Variants in C1GALT1 observed in about 807,000 individuals in gnomAD.
C1GALT1 encodes the protein core 1 synthase, glycoprotein-N-acetylgalactosamine 3-beta-galactosyltransferase 1, also known as glycoprotein-N-acetylgalactosamine 3-beta-galactosyltransferase 1.
In C1GALT1, 11 loss-of-function variants were observed where a neutral mutation model predicts 31.0. That is an observed-to-expected ratio of 0.36 (90% CI 0.22 to 0.59). The LOEUF is 0.59. C1GALT1 is among the 20% of genes least tolerant of loss of function. The pLI is 0.79. For missense variants in C1GALT1, 424 were observed against 425.2 expected (o/e 1.00, Z 0.03); for synonymous variants, 175 against 143.6 (o/e 1.22, Z -1.56).
chr7:7,211,879 G>C (rs1782022945), intron 1 of C1GALT1, among the ~76,000 whole-genome samples: 1 of 152,312 alleles, frequency 6.6e-6, no homozygotes, highest in African/African-American at 2.4e-5. Context: ...AATTTAAAAT[G>C]TAGGCAAAAA....
intron 2 of C1GALT1, among the ~76,000 whole-genome samples, chr7:7,173,997 C>G (rs1405018141): frequency 6.6e-6 from 1 of 152,104 alleles, no homozygotes; most frequent in African/African-American, 2.4e-5. Flanking sequence ...GCTGGAAATC[C>G]ATGACAACAG....
intron 2 of C1GALT1, among the ~76,000 whole-genome samples, chr7:7,162,692 C>T (rs1201823486): frequency 2.0e-5 from 3 of 151,380 alleles, no homozygotes; most frequent in Non-Finnish European, 4.4e-5. Context: ...AATCGCCACA[C>T]TGACTTCCAC....
upstream of C1GALT1, among the ~76,000 whole-genome samples, chr7:7,182,306 C>G (rs529182192): frequency 4.3e-4 from 65 of 152,344 alleles, no homozygotes; most frequent in African/African-American, 1.5e-3. Context: ...GGTCTTGAAG[C>G]TAGTGCATAA....
At chr7:7,237,835 T>G (rs1022616814) in intron 2 of C1GALT1, among the ~76,000 whole-genome samples, 10 of 152,156 alleles carry the variant, frequency 6.6e-5, no homozygotes, top group African/African-American at 2.2e-4. Flanking sequence ...CTGGCTGCTT[T>G]CTTTTATGAA....
intron 2 of C1GALT1, among the ~76,000 whole-genome samples, chr7:7,170,761 GAC>G (rs747310499): frequency 1.6e-4 from 24 of 152,208 alleles, no homozygotes; most frequent in Non-Finnish European, 1.5e-5. Flanking sequence ...CAGCCTGGGT[GAC>G]AGAGCAGGAG....
intron 2 of C1GALT1, among the ~76,000 whole-genome samples, chr7:7,236,610 CTCCCGGGT>C (rs1255087419): frequency 6.6e-6 from 1 of 151,814 alleles, no homozygotes; most frequent in Non-Finnish European, 1.5e-5. Context: ...CAACCTCCGC[CTCCCGGGT>C]TCAAGCAATT....
intron 2 of C1GALT1, among the ~76,000 whole-genome samples, chr7:7,172,581 G>T (rs1432298750): frequency 6.6e-6 from 1 of 152,022 alleles, no homozygotes; most frequent in Non-Finnish European, 1.5e-5. Context: ...AAACACATAT[G>T]CTGGTCCTCT....
chr7:7,204,016 T>A (rs1375613992), intron 1 of C1GALT1, among the ~76,000 whole-genome samples: 2 of 152,112 alleles, frequency 1.3e-5, no homozygotes, highest in Non-Finnish European at 2.9e-5. Context: ...TTTGTGGTTT[T>A]CTTGTGTGTC....
At chr7:7,162,502 A>T (rs1195288029) in intron 2 of C1GALT1, among the ~76,000 whole-genome samples, 2 of 151,180 alleles carry the variant, frequency 1.3e-5, no homozygotes, top group African/African-American at 4.9e-5. Flanking sequence ...CATTTTCTTA[A>T]TCCAGTCTAT....
intron 1 of C1GALT1, among the ~76,000 whole-genome samples, chr7:7,212,895 A>G (rs563359799): frequency 6.6e-6 from 1 of 152,202 alleles, no homozygotes; most frequent in East Asian, 1.9e-4. Flanking sequence ...TGGCTTGACC[A>G]TGGTGCAGCC....
At chr7:7,192,929 G>A (rs1419195244) in intron 1 of C1GALT1, among the ~76,000 whole-genome samples, 1 of 152,042 alleles carries the variant, frequency 6.6e-6, no homozygotes, top group Non-Finnish European at 1.5e-5. Context: ...GTTTTCATAT[G>A]TTTGTTGAAC....
At chr7:7,159,810 A>G (rs941870654) in intron 2 of C1GALT1, among the ~76,000 whole-genome samples, 1 of 152,302 alleles carries the variant, frequency 6.6e-6, no homozygotes, top group Admixed American at 6.5e-5. Flanking sequence ...CAAAGAGGGC[A>G]TTTTCCTATA....
At chr7:7,203,073 AATTT>A (rs1482889574) in intron 1 of C1GALT1, among the ~76,000 whole-genome samples, 1 of 144,500 alleles carries the variant, frequency 6.9e-6, no homozygotes, top group Non-Finnish European at 1.5e-5. Flanking sequence ...TTGCTAAATT[AATTT>A]ATTAGTTCTA....
At chr7:7,208,249 C>T (rs913684402) in intron 1 of C1GALT1, among the ~76,000 whole-genome samples, 18 of 151,990 alleles carry the variant, frequency 1.2e-4, no homozygotes, top group South Asian at 4.1e-4. Flanking sequence ...CTTTATTTTA[C>T]GTAATGACCC....
intron 1 of C1GALT1, among the ~76,000 whole-genome samples, chr7:7,209,852 G>A (rs371641446): frequency 8.5e-4 from 129 of 152,230 alleles, no homozygotes; most frequent in African/African-American, 2.9e-3. Flanking sequence ...AGATGGGGTG[G>A]GGCCGTTTTA....
rs1259490623 is a variant in C1GALT1 at position 7,238,987 on chromosome 7, T to C, written c.888+65T>C. The C allele has an allele frequency of 7.9e-7, 1 of 1,263,220 alleles. No homozygotes were observed. Among genetic ancestry groups the C allele is most frequent in the South Asian group, 1.4e-5 (1 of 70,076 alleles). The allele number at this position is 1,263,220 out of a possible 1,614,324, so 78.3% of individuals were successfully genotyped here. A position where few individuals can be genotyped will look rare whatever the true frequency, so the allele number is the denominator to read the frequency against. On this transcript the variant is annotated intron_variant, in intron 3 of 3. Transcript: ENST00000436587. This position sits in a 1 kb window ranked among gnomAD's most constrained non-coding sequence, Gnocchi z 5.2. ...TGACTGAATTTTGTTGATAAAAACA[T>C]GTTAATATGTGTATGTTTCTTTAGT...
chr7:7,222,746 T>C (rs1452684875), intron 1 of C1GALT1, among the ~76,000 whole-genome samples: 3 of 152,310 alleles, frequency 2.0e-5, no homozygotes, highest in African/African-American at 7.2e-5. Context: ...TTTAAGAAAA[T>C]GTTGATATTT....
At chr7:7,239,510 C>T (rs1783527132) in intron 3 of C1GALT1, among the ~76,000 whole-genome samples, 1 of 152,174 alleles carries the variant, frequency 6.6e-6, no homozygotes, top group Non-Finnish European at 1.5e-5. Flanking sequence ...GCCGAACAAC[C>T]TTGGATGGAC....
chr7:7,242,657 A>T (rs1259314533), intron 3 of C1GALT1, among the ~76,000 whole-genome samples: 1 of 151,894 alleles, frequency 6.6e-6, no homozygotes, highest in East Asian at 1.9e-4. Context: ...TGACTGCTTA[A>T]TTCATCTCTT....
Sources: gnomAD v4.1 joint callset for allele counts (sites outside exome capture counted in the v4.1 genomes callset) on GRCh38, gnomAD v4.1.1 for gene constraint, Gnocchi (gnomAD v3.1) non-coding constraint, MANE v1.5 for transcripts, NCBI Gene and HGNC (gene_info 2026-07-23, HGNC 2026-07-21) for gene names.